Variants in KAT6B observed in about 807,000 individuals in gnomAD.
KAT6B encodes histone acetyltransferase KAT6B.
In KAT6B, 10 loss-of-function variants were observed where a neutral mutation model predicts 187.5. That is an observed-to-expected ratio of 0.05 (90% CI 0.03 to 0.09). KAT6B has a LOEUF of 0.09. Among genes scored for constraint, KAT6B ranks in the 10% least tolerant of loss-of-function variants. The pLI is 1.00. For missense variants in KAT6B, 1,952 were observed against 2,558.9 expected (o/e 0.76, Z 5.12); for synonymous variants, 861 against 926.8 (o/e 0.93, Z 1.29).
intron 3 of KAT6B, among the ~76,000 whole-genome samples, chr10:74,882,471 A>G (rs906206724): frequency 6.6e-6 from 1 of 152,228 alleles, no homozygotes. Context: ...CTTATTAGTA[A>G]AGGTATTATT....
At chr10:74,844,405 G>T (rs530180365) in intron 3 of KAT6B, among the ~76,000 whole-genome samples, 2 of 152,308 alleles carry the variant, frequency 1.3e-5, no homozygotes, top group East Asian at 3.9e-4. Flanking sequence ...CACCATGTTG[G>T]CCGGGCTAGT....
intron 3 of KAT6B, among the ~76,000 whole-genome samples, chr10:74,893,353 T>TA (rs769526238): frequency 1.3e-5 from 2 of 152,224 alleles, no homozygotes; most frequent in Non-Finnish European, 2.9e-5. Context: ...TGACATTGGA[T>TA]AAAATGAATT....
intron 1 of KAT6B, among the ~76,000 whole-genome samples, chr10:74,835,501 G>A (rs1339529636): frequency 1.3e-5 from 2 of 152,166 alleles, no homozygotes; most frequent in Non-Finnish European, 2.9e-5. Context: ...CCCACAAGGG[G>A]TACCTGAAGG....
Position 75,028,510 on chromosome 10 carries a change from G to A in KAT6B, c.3686G>A (p.Ser1229Asn). The A allele has an allele frequency of 6.2e-7, 1 of 1,614,106 alleles. No individual in the cohort carries two copies. Among genetic ancestry groups the A allele is most frequent in the Non-Finnish European group, 8.5e-7 (1 of 1,180,024 alleles). ...TAAGACAATATGAATGATGATTCAA[G>A]TAACTTGAAAGAAGGCAGTAAAGAC... is the stretch of plus-strand genomic sequence containing the variant. ...PCRNNMNDDSSNLKEGSKDNP... is the reference protein window; with the variant it reads ...PCRNNMNDDSNNLKEGSKDNP... The change falls in exon 18 of 18, where the codon AGT (serine) becomes AAT (asparagine). Residue 1229 changes from serine (S) to asparagine (N), a missense_variant. Transcript: ENST00000287239.
At chr10:74,879,126 G>A (rs1170453463) in intron 3 of KAT6B, among the ~76,000 whole-genome samples, 1 of 152,184 alleles carries the variant, frequency 6.6e-6, no homozygotes, top group Non-Finnish European at 1.5e-5. Context: ...TTGGTTAGAA[G>A]GCAAAGGAGA....
chr10:74,887,292 GT>G (rs1845351627), intron 3 of KAT6B, among the ~76,000 whole-genome samples: 1 of 152,158 alleles, frequency 6.6e-6, no homozygotes, highest in Non-Finnish European at 1.5e-5. Flanking sequence ...GCCATGGATA[GT>G]GGGATGCTTG....
chr10:74,864,070 TTTG>T (rs769067240), intron 3 of KAT6B, among the ~76,000 whole-genome samples: 7 of 152,150 alleles, frequency 4.6e-5, no homozygotes, highest in Admixed American at 3.3e-4. Context: ...ATCAAAATTT[TTTG>T]TTGTTGTTTT....
chr10:74,914,595 A>G (rs913962374), intron 3 of KAT6B, among the ~76,000 whole-genome samples: 1 of 152,246 alleles, frequency 6.6e-6, no homozygotes, highest in African/African-American at 2.4e-5. Context: ...TTTTCAAGCA[A>G]CTGGCTCAAG....
intron 6 of KAT6B, among the ~76,000 whole-genome samples, chr10:74,972,214 G>T (rs1045808628): frequency 2.6e-5 from 4 of 152,002 alleles, no homozygotes; most frequent in South Asian, 2.1e-4. Flanking sequence ...TCTGACAGGG[G>T]CGAGTTTTCA....
At chr10:74,948,803 C>A (rs187256843) in intron 3 of KAT6B, among the ~76,000 whole-genome samples, 1 of 152,168 alleles carries the variant, frequency 6.6e-6, no homozygotes, top group Admixed American at 6.5e-5. Flanking sequence ...GGAAAACATT[C>A]CCAAGTCATA....
Position 75,032,412 on chromosome 10 carries a change from G to C in KAT6B, c.*1366G>C, listed in dbSNP as rs1423973359. On this transcript the variant is annotated 3_prime_UTR_variant, in exon 18 of 18. Transcript: ENST00000287239. ...AATAAATTATTTAGTGTAAATTGGAGTTATGGGATTTTCTGATTTGTTTTG... is the reference window on the plus strand; with the variant it reads ...AATAAATTATTTAGTGTAAATTGGACTTATGGGATTTTCTGATTTGTTTTG... The C allele has an allele frequency of 5.3e-6, 1 of 190,186 alleles. No homozygotes were observed. Among genetic ancestry groups the C allele is most frequent in the African/African-American group, 2.3e-5 (1 of 42,880 alleles). The allele number at this position is 190,186 out of a possible 1,614,324, so 11.8% of individuals were successfully genotyped here. A position where few individuals can be genotyped will look rare whatever the true frequency, so the allele number is the denominator to read the frequency against.
intron 3 of KAT6B, among the ~76,000 whole-genome samples, chr10:74,873,824 GAGT>G (rs1250951235): frequency 1.3e-5 from 2 of 152,088 alleles, no homozygotes; most frequent in Non-Finnish European, 2.9e-5. Flanking sequence ...GCCACTCTAT[GAGT>G]AGTTAATACA....
At chr10:74,997,073 G>A (rs1843483288) in intron 13 of KAT6B, among the ~76,000 whole-genome samples, 1 of 151,422 alleles carries the variant, frequency 6.6e-6, no homozygotes, top group Non-Finnish European at 1.5e-5. Flanking sequence ...TAGAGAAATG[G>A]GCAGAGGATC....
chr10:74,826,237 C>G (rs753173394), upstream of KAT6B, among the ~76,000 whole-genome samples: 2 of 150,636 alleles, frequency 1.3e-5, no homozygotes, highest in Admixed American at 6.6e-5. Flanking sequence ...CAATCCTTTC[C>G]TAGAGGTGGA....
intron 3 of KAT6B, among the ~76,000 whole-genome samples, chr10:74,893,304 CCT>C (rs1845762489): frequency 6.6e-6 from 1 of 152,168 alleles, no homozygotes; most frequent in South Asian, 2.1e-4. Context: ...TCCTTGGACC[CCT>C]CTCTTTTTCC....
chr10:74,922,084 C>T (rs1221255204), intron 3 of KAT6B, among the ~76,000 whole-genome samples: 3 of 152,210 alleles, frequency 2.0e-5, no homozygotes, highest in Admixed American at 1.3e-4. Flanking sequence ...AAGAACAGCA[C>T]GTTAGTATTA....
chr10:74,960,062 A>G lies in KAT6B; in HGVS notation c.714A>G (p.Ala238=). 1 of 1,606,702 alleles carries G rather than the reference A, an allele frequency of 6.2e-7. No individual in the cohort carries two copies. ...AACCAGAAGAACTCCTCTCTTGTGCAGATTGTGGCAGTAGTGGTAAGTTGT... is the reference window on the plus strand; with the variant it reads ...AACCAGAAGAACTCCTCTCTTGTGCGGATTGTGGCAGTAGTGGTAAGTTGT... ...EKKPEELLSC[A]DCGSSGHPSC... The change falls in exon 4 of 18, where the codon GCA becomes GCG. Residue 238 remains alanine (A), a synonymous_variant. Transcript: ENST00000287239.
chr10:74,896,241 G>A (rs771205482), intron 3 of KAT6B, among the ~76,000 whole-genome samples: 1 of 151,886 alleles, frequency 6.6e-6, no homozygotes, highest in Non-Finnish European at 1.5e-5. Flanking sequence ...CTTTGTCATG[G>A]GCCTACCATA....
intron 13 of KAT6B, among the ~76,000 whole-genome samples, chr10:75,004,081 T>C (rs1476182783): frequency 1.3e-5 from 2 of 152,164 alleles, no homozygotes; most frequent in African/African-American, 4.8e-5. Context: ...AAACAAATTT[T>C]TTGTCTGTTT....
Sources: gnomAD v4.1 joint callset for allele counts (sites outside exome capture counted in the v4.1 genomes callset) on GRCh38, gnomAD v4.1.1 for gene constraint, MANE v1.5 for transcripts, NCBI Gene and HGNC (gene_info 2026-07-23, HGNC 2026-07-21) for gene names.